Variants in LAMA4 observed in about 807,000 individuals in gnomAD.
LAMA4 encodes laminin subunit alpha-4.
In LAMA4, 127 loss-of-function variants were observed where a neutral mutation model predicts 207.1. The ratio of observed to expected loss-of-function variants is 0.61; its 90% CI spans 0.53 to 0.71. The LOEUF (loss-of-function observed/expected upper bound fraction) is 0.71. Ranked by LOEUF, LAMA4 falls within the 30% of genes least tolerant of loss-of-function variation. The pLI, the probability that LAMA4 is intolerant of heterozygous loss-of-function variation, is 0.00. For synonymous variants in LAMA4, 761 were observed against 816.0 expected, an observed-to-expected ratio of 0.93 and a Z score of 1.15; for missense variants, 2,093 against 2,246.5, an observed-to-expected ratio of 0.93 and a Z score of 1.38.
rs782750652 is a variant in LAMA4, at chr6:112,254,024, CA to C, written c.126del (p.Gly43AlafsTer155). The stretch of plus-strand genomic sequence containing the variant: ...CTCGTCTCAGGCGGGTCTTGCCTGC[CA>C]ACCGCTGAGCTCCCTTCAATGTCAA... ...FPFDIEGSSA[V>X]GRQDPPETSE... On this transcript the variant is annotated frameshift_variant, in exon 2 of 39. Transcript: ENST00000230538. LOFTEE classifies it high-confidence loss of function. The C allele has an allele frequency of 6.3e-7, 1 of 1,592,230 alleles. No homozygotes were observed. The highest frequency in any genetic ancestry group is 8.6e-7 in the Non-Finnish European group (1 of 1,168,932).
At chr6:112,148,429 T>C in intron 17 of LAMA4, 93 bp from the exon 18 acceptor site, 1 of 1,376,308 alleles carries the variant, frequency 7.3e-7, no homozygotes, top group South Asian at 1.2e-5. Flanking sequence ...ATGAAACAGA[T>C]CTCACATTTT....
chr6:112,139,859 G>A lies in LAMA4; in HGVS notation c.3003C>T (p.Gly1001=), dbSNP rs397516728. 8 of 1,613,924 alleles carry A rather than the reference G, an allele frequency of 5.0e-6. No individual in the cohort carries two copies. Among genetic ancestry groups the A allele is most frequent in the Non-Finnish European group, 6.8e-6 (8 of 1,179,954 alleles). ...TGGCCAGTTCCAGGCAGCCAACAAA[G>A]CCAGGCAGGTTTAAGCTGGTAGGGA... The part of the protein sequence containing the change: ...FKLPTSLNLP[G]FVGCLELATL... Residue 1001 remains glycine, a synonymous_variant, in exon 23 of 39, where the codon GGC becomes GGT. Transcript: ENST00000230538.
At chr6:112,175,026 T>G (rs532714864) in intron 11 of LAMA4, among the ~76,000 whole-genome samples, 1 of 152,352 alleles carries the variant, frequency 6.6e-6, no homozygotes, top group East Asian at 1.9e-4. Flanking sequence ...TTGGTTTCCT[T>G]TAGTCTTCCT....
chr6:112,249,018 G>A (rs936444546), intron 2 of LAMA4, among the ~76,000 whole-genome samples: 5 of 152,150 alleles, frequency 3.3e-5, no homozygotes, highest in Admixed American at 3.3e-4. Flanking sequence ...TCTTTCTTAC[G>A]TGAGTAGTTT....
At chr6:112,225,247 C>T (rs1317015443) in intron 2 of LAMA4, among the ~76,000 whole-genome samples, 2 of 152,102 alleles carry the variant, frequency 1.3e-5, no homozygotes, top group South Asian at 4.1e-4. Flanking sequence ...TTTATAGGCA[C>T]CTGAAGTTGA....
chr6:112,114,594 C>A, intron 37 of LAMA4, 69 bp downstream of exon 37: 1 of 1,029,460 alleles, frequency 9.7e-7, no homozygotes, highest in Non-Finnish European at 1.5e-6. Flanking sequence ...TAAGTGATAG[C>A]CTAAGTTCTG....
intron 24 of LAMA4, among the ~76,000 whole-genome samples, 193 bp from the exon 25 acceptor site, chr6:112,136,447 T>G (rs1325767055): frequency 3.9e-5 from 6 of 152,136 alleles, no homozygotes; most frequent in African/African-American, 1.2e-4. Flanking sequence ...ATCCCAGCAC[T>G]CTGGGAGGCC....
rs1398279737 is a variant in LAMA4, at chr6:112,108,804, G to A, written c.*633C>T. ...TTTCTTTTAAGGAGATAAGGAAGGG[G>A]AAAAAGTAGTTGATTTCCTGTGTTT... On this transcript the variant is annotated 3_prime_UTR_variant, in exon 39 of 39. Coordinates refer to ENST00000230538, the MANE Select transcript of LAMA4 (RefSeq NM_001105206.3). 6.6e-6 allele frequency: 1 copy of A among 152,296 alleles called. No individual in the cohort carries two copies. Among genetic ancestry groups the A allele is most frequent in the African/African-American group, 2.4e-5 (1 of 41,398 alleles). 9.4% of individuals were successfully genotyped at this position (152,296 alleles called of 1,614,324 possible). A position where few individuals can be genotyped will look rare whatever the true frequency, so the allele number is the denominator to read the frequency against.
chr6:112,200,105 C>T (rs1554351715), intron 5 of LAMA4: 1 of 532,926 alleles, frequency 1.9e-6, no homozygotes, highest in Non-Finnish European at 3.8e-6. Flanking sequence ...GAGCAGCTGG[C>T]AGGTGGAGGG....
At chr6:112,195,275 A>G (rs1198340043) in intron 5 of LAMA4, among the ~76,000 whole-genome samples, 1 of 152,206 alleles carries the variant, frequency 6.6e-6, no homozygotes, top group African/African-American at 2.4e-5. Flanking sequence ...TGCTATGTAA[A>G]TGCTCTCCAC....
intron 2 of LAMA4, among the ~76,000 whole-genome samples, chr6:112,222,338 T>A (rs7450379): frequency 6.6e-6 from 1 of 152,010 alleles, no homozygotes; most frequent in Admixed American, 6.6e-5. Context: ...AAAGGCATTT[T>A]TTTCTTAGGT....
At chr6:112,231,666 A>G (rs552247005) in intron 2 of LAMA4, among the ~76,000 whole-genome samples, 1 of 152,262 alleles carries the variant, frequency 6.6e-6, no homozygotes, top group African/African-American at 2.4e-5. Context: ...TGTAATATAC[A>G]CCAGCATGTG....
At chr6:112,223,461 T>C (rs1249742190) in intron 2 of LAMA4, among the ~76,000 whole-genome samples, 9 of 152,234 alleles carry the variant, frequency 5.9e-5, no homozygotes, top group African/African-American at 2.2e-4. Context: ...CACCAAGCAC[T>C]GAGCTAAGTG....
chr6:112,190,936 TTTC>T lies in LAMA4; in HGVS notation c.718+697_718+699del, dbSNP rs1327727222. Among the ~76,000 whole-genome samples the T allele has an allele frequency of 1.6e-3, 110 of 68,868 alleles. 2 individuals are homozygous for T. The highest frequency in any genetic ancestry group is 2.4e-3 in the Non-Finnish European group (84 of 34,348). The allele number at this position is 68,868 out of a possible 152,430, so 45.2% of individuals were successfully genotyped here. On this transcript the variant is annotated intron_variant, in intron 6 of 38. Transcript: ENST00000230538. ...CTTTCTTTCTTTCTTTCTTTCTTTC[TTTC>T]TTTCTTTCCTTTCTTTCTTTCTTTC...
intron 2 of LAMA4, among the ~76,000 whole-genome samples, chr6:112,217,139 T>C (rs1032895881): frequency 6.6e-6 from 1 of 152,138 alleles, no homozygotes; most frequent in South Asian, 2.1e-4. Flanking sequence ...GCTCATGAGA[T>C]TGAGAGGTGC....
intron 11 of LAMA4, among the ~76,000 whole-genome samples, chr6:112,173,752 T>C (rs1781858730): frequency 6.6e-6 from 1 of 152,188 alleles, no homozygotes; most frequent in Non-Finnish European, 1.5e-5. Flanking sequence ...TCCACAATAA[T>C]TGTTAGCAGA....
intron 17 of LAMA4, among the ~76,000 whole-genome samples, chr6:112,149,333 A>G (rs1780234497): frequency 6.6e-6 from 1 of 151,942 alleles, no homozygotes; most frequent in African/African-American, 2.4e-5. Flanking sequence ...ACTTATCCCC[A>G]TGACATAAAG....
chr6:112,190,934 T>TCCTTTCTTTC (rs1491506479), intron 6 of LAMA4, among the ~76,000 whole-genome samples: 2 of 62,696 alleles, frequency 3.2e-5, no homozygotes, highest in African/African-American at 1.3e-4. Context: ...TTTCTTTCTT[T>TCCTTTCTTTC]CTTTCTTTCT....
At chr6:112,253,485 C>A (rs1207338180) in intron 2 of LAMA4, 3 of 404,558 alleles carry the variant, frequency 7.4e-6, no homozygotes, top group Non-Finnish European at 1.4e-5. Context: ...CACTCACCCC[C>A]TCACCTTCCC....
Sources: allele counts gnomAD v4.1 joint callset (sites outside exome capture counted in the v4.1 genomes callset), GRCh38; gene constraint gnomAD v4.1.1; transcripts MANE v1.5; gene names NCBI Gene and HGNC (gene_info 2026-07-23, HGNC 2026-07-21).